The following DYNC2H1 variants were observed in gnomAD, a reference collection of about 807,000 sequenced individuals.
DYNC2H1 encodes cytoplasmic dynein 2 heavy chain 1.
Under a neutral mutation model 570.0 loss-of-function variants are expected in DYNC2H1, and 410 were observed. The ratio of observed to expected loss-of-function variants is 0.72; its 90% confidence interval spans 0.66 to 0.78. The LOEUF is 0.78. DYNC2H1 is among the 30% of genes least tolerant of loss of function. DYNC2H1 has a pLI of 0.00. For missense variants in DYNC2H1, 4,865 were observed against 5,046.4 expected, an observed-to-expected ratio of 0.96 and a Z score of 1.09; for synonymous variants, 1,688 against 1,677.6, an observed-to-expected ratio of 1.01 and a Z score of -0.15.
At chr11:103,337,273 G>C (rs2135475958) in intron 82 of DYNC2H1, among the ~76,000 whole-genome samples, 1 of 152,200 alleles carries the variant, frequency 6.6e-6, no homozygotes, top group South Asian at 2.1e-4. Context: ...TAAATATGTG[G>C]GTAAATCTCT....
Position 103,252,112 on chromosome 11 carries a change from T to G in DYNC2H1, c.10043-1173T>G, listed in dbSNP as rs1433807284. Reference sequence around the variant, plus strand: ...GCTAATTAAAAACATTTTTTTTTTTTTTTGCAAAGACGAGGTCTCAGTATG... The same window carrying G: ...GCTAATTAAAAACATTTTTTTTTTTGTTTGCAAAGACGAGGTCTCAGTATG... On this transcript the variant is annotated intron_variant, in intron 65 of 88. Coordinates refer to ENST00000375735, the MANE Select transcript of DYNC2H1 (RefSeq NM_001377.3). The surrounding 1 kb of genome is among the most constrained non-coding windows in gnomAD (Gnocchi z 4.6). Among the ~76,000 whole-genome samples the G allele has an allele frequency of 2.6e-5, 4 of 151,936 alleles. No individual in the cohort carries two copies. Among genetic ancestry groups the G allele is most frequent in the Non-Finnish European group, 5.9e-5 (4 of 67,976 alleles).
chr11:103,199,164 G>A lies in DYNC2H1; in HGVS notation c.7840-64G>A. On this transcript the variant is annotated intron_variant, in intron 48 of 88. Coordinates refer to ENST00000375735, the MANE Select transcript of DYNC2H1 (RefSeq NM_001377.3). This position sits in a 1 kb window ranked among gnomAD's most constrained non-coding sequence, Gnocchi z 4.6. ...AAATATAATATTTTAACCTAGGTAA[G>A]TAACATTTTTATTATGTAATTAGGG... 2 of 1,166,392 alleles carry A rather than the reference G, an allele frequency of 1.7e-6. No homozygotes were observed. The highest frequency in any genetic ancestry group is 2.9e-5 in the Admixed American group (1 of 34,546). The allele number at this position is 1,166,392 out of a possible 1,614,324, so 72.3% of individuals were successfully genotyped here.
intron 84 of DYNC2H1, among the ~76,000 whole-genome samples, chr11:103,424,979 A>C (rs920167750): frequency 2.0e-5 from 3 of 152,184 alleles, no homozygotes; most frequent in African/African-American, 7.2e-5. Context: ...TCTGTCACCT[A>C]GGCAGGAGTA....
intron 40 of DYNC2H1, among the ~76,000 whole-genome samples, chr11:103,182,419 A>G (rs1199517437): frequency 6.6e-6 from 1 of 151,778 alleles, no homozygotes; most frequent in Non-Finnish European, 1.5e-5. Context: ...AAACGTGTTT[A>G]TATTTAACAA....
Position 103,262,492 on chromosome 11 carries a change from CAG to C in DYNC2H1, c.10695+2516_10695+2517del, listed in dbSNP as rs775942327. On this transcript the variant is annotated intron_variant, in intron 70 of 88. Coordinates refer to ENST00000375735, the MANE Select transcript of DYNC2H1 (RefSeq NM_001377.3). ...CACAAAGGGAAGCCCATCAGACTAA[CAG>C]GGGATCTCTCTGCAGAAACCCTACA... is the stretch of plus-strand genomic sequence containing the variant. Among the ~76,000 whole-genome samples the C allele has an allele frequency of 5.0e-4, 76 of 152,288 alleles. No individual in the cohort carries two copies. In the Middle Eastern group the frequency reaches 0.024, roughly 48 times the overall value.
intron 52 of DYNC2H1, among the ~76,000 whole-genome samples, chr11:103,208,023 G>T (rs1383588902): frequency 6.6e-6 from 1 of 152,084 alleles, no homozygotes; most frequent in Non-Finnish European, 1.5e-5. Context: ...TGTTGGAAGG[G>T]AGTAAGCTGG....
At chr11:103,224,030 G>A (rs923835362) in intron 59 of DYNC2H1, among the ~76,000 whole-genome samples, 16 of 152,160 alleles carry the variant, frequency 1.1e-4, no homozygotes, top group African/African-American at 3.4e-4. Context: ...ACAGGCATAA[G>A]CCACCGTGCC....
rs768839818 is a variant in DYNC2H1, at chr11:103,323,961, C to A, written c.12010C>A (p.Arg4004Ser). 1.2e-6 allele frequency: 2 copies of A among 1,612,104 alleles called. No homozygotes were observed. The highest frequency in any genetic ancestry group is 2.2e-5 in the South Asian group (2 of 90,776). Residue 4004 changes from arginine to serine, a missense_variant, in exon 82 of 89, where the codon CGC becomes AGC. Arg to Ser is a moderately radical substitution (Grantham distance 110, BLOSUM62 -1). This residue lies in a region of DYNC2H1 where 2,401 missense variants were observed against 2,454.6 expected (regional missense o/e 0.98). Transcript: ENST00000375735. ...CTTTGGTCTGCCTGCCAATATCGCT[C>A]GCTCATCTCAGCGCATGATCAGTTC... ...SFFGLPANIA[R>S]SSQRMISSQV...
intron 1 of DYNC2H1, among the ~76,000 whole-genome samples, chr11:103,113,108 G>A (rs1425567642): frequency 6.6e-6 from 1 of 152,076 alleles, no homozygotes; most frequent in Non-Finnish European, 1.5e-5. Flanking sequence ...CTAAGTAAGA[G>A]GGTAATTAAT....
At chr11:103,429,134 G>GC (rs1189027780) in intron 84 of DYNC2H1, among the ~76,000 whole-genome samples, 2 of 151,940 alleles carry the variant, frequency 1.3e-5, no homozygotes, top group Non-Finnish European at 2.9e-5. Context: ...GGTGGTGGGT[G>GC]CCTGTAGTTC....
At chr11:103,373,832 C>A (rs560429934) in intron 83 of DYNC2H1, among the ~76,000 whole-genome samples, 27 of 152,100 alleles carry the variant, frequency 1.8e-4, no homozygotes, top group Non-Finnish European at 2.8e-4. Flanking sequence ...CCTTGTAGAT[C>A]TAATAATATG....
At chr11:103,339,759 C>G (rs1205075876) in intron 82 of DYNC2H1, among the ~76,000 whole-genome samples, 2 of 152,190 alleles carry the variant, frequency 1.3e-5, no homozygotes, top group Admixed American at 1.3e-4. Flanking sequence ...TTGCTGTGGC[C>G]CAACTGCCAC....
chr11:103,196,092 T>C (rs1186632033), intron 47 of DYNC2H1, among the ~76,000 whole-genome samples: 2 of 152,026 alleles, frequency 1.3e-5, no homozygotes, highest in African/African-American at 2.4e-5. Flanking sequence ...AGGAGTTTGG[T>C]GTTTTGTTTT....
At chr11:103,381,573 C>CGCGT (rs1941650019) in intron 83 of DYNC2H1, among the ~76,000 whole-genome samples, 1 of 152,136 alleles carries the variant, frequency 6.6e-6, no homozygotes, top group Non-Finnish European at 1.5e-5. Flanking sequence ...CTCAACCTCC[C>CGCGT]GCGTAGCTGG....
chr11:103,197,956 G>A lies in DYNC2H1; in HGVS notation c.7732G>A (p.Ala2578Thr). ...MSDSFYVTWG[A>T]RHNSGARAAP... ...AGATAGTTTCTACGTTACATGGGGA[G>A]CTCGGCATAATTCAGGAGCAAGGGC... Residue 2578 changes from alanine to threonine, a missense_variant, in exon 48 of 89, where the codon GCT (alanine) becomes ACT (threonine). Around this residue, in one of 5 missense-constraint regions of DYNC2H1, gnomAD observed 2,401 missense variants for 2,454.6 expected, o/e 0.98. Transcript: ENST00000375735. 6.4e-7 allele frequency: 1 copy of A among 1,570,244 alleles called. No individual in the cohort carries two copies. The highest frequency in any genetic ancestry group is 2.3e-5 in the East Asian group (1 of 42,578).
chr11:103,399,018 A>G (rs1942509220), intron 83 of DYNC2H1, among the ~76,000 whole-genome samples: 1 of 151,710 alleles, frequency 6.6e-6, no homozygotes, highest in African/African-American at 2.4e-5. Flanking sequence ...GTAGTATTGC[A>G]GTTGTTCTGA....
Position 103,220,508 on chromosome 11 carries a change from A to G in DYNC2H1, c.8947-115A>G, listed in dbSNP as rs636510. 0.92 allele frequency: 916,247 copies of G among 991,498 alleles called. 423,798 individuals are homozygous for G. The highest frequency in any genetic ancestry group is 0.95 in the Admixed American group (33,148 of 34,964). The allele number at this position is 991,498 out of a possible 1,614,324, so 61.4% of individuals were successfully genotyped here. A position where few individuals can be genotyped will look rare whatever the true frequency, so the allele number is the denominator to read the frequency against. On this transcript the variant is annotated intron_variant, in intron 56 of 88. Coordinates refer to ENST00000375735, the MANE Select transcript of DYNC2H1 (RefSeq NM_001377.3). ...AGCATTTTGATATTTTAAGAGAGAG[A>G]ACATTAGTAACTATAGTCATTTTGC... is the stretch of plus-strand genomic sequence containing the variant.
At chr11:103,200,452 C>G (rs558671709) in intron 50 of DYNC2H1, among the ~76,000 whole-genome samples, 1 of 152,116 alleles carries the variant, frequency 6.6e-6, no homozygotes, top group Admixed American at 6.6e-5. Context: ...GGAAAATTAT[C>G]ATCTAGGACT....
intron 79 of DYNC2H1, among the ~76,000 whole-genome samples, chr11:103,314,793 A>C (rs780806733): frequency 2.6e-5 from 4 of 151,908 alleles, no homozygotes; most frequent in African/African-American, 4.8e-5. Context: ...TTTTTATTAG[A>C]GACATGTCAT....
Sources: allele counts gnomAD v4.1 joint callset (sites outside exome capture counted in the v4.1 genomes callset), GRCh38; gene constraint gnomAD v4.1.1; regional missense constraint gnomAD v4.1.1; non-coding constraint Gnocchi (gnomAD v3.1); transcripts MANE v1.5; gene names NCBI Gene and HGNC (gene_info 2026-07-23, HGNC 2026-07-21).